ADGRF1: variants seen among roughly 807,000 people sequenced by gnomAD.
ADGRF1 encodes G protein-coupled receptor 110.
ADGRF1 carries 85 observed loss-of-function variants against 87.2 expected under a neutral mutation model. The observed-to-expected ratio is 0.97, with a 90% CI of 0.82 to 1.17. ADGRF1 has a LOEUF of 1.17. ADGRF1 is among the 50% of genes most tolerant of loss of function. The pLI is 0.00. For synonymous variants in ADGRF1, 430 were observed against 408.8 expected, an observed-to-expected ratio of 1.05 and a Z score of -0.63; for missense variants, 1,169 against 1,077.2, an observed-to-expected ratio of 1.09 and a Z score of -1.19.
At chr6:47,012,845 C>T in intron 9 of ADGRF1, 1 of 840,506 alleles carries the variant, frequency 1.2e-6, no homozygotes, top group African/African-American at 1.8e-5. Context: ...TCTCAGCTCA[C>T]TGCAACCTCT....
chr6:47,036,209 G>T (rs1314718290), intron 1 of ADGRF1, among the ~76,000 whole-genome samples: 1 of 152,120 alleles, frequency 6.6e-6, no homozygotes, highest in Non-Finnish European at 1.5e-5. Context: ...CAGCCTGGGA[G>T]AGAGAGGGAG....
At chr6:47,032,133 G>A (rs750124172) in intron 1 of ADGRF1, among the ~76,000 whole-genome samples, 2 of 152,054 alleles carry the variant, frequency 1.3e-5, no homozygotes, top group Admixed American at 6.6e-5. Flanking sequence ...TGAGGGAGAG[G>A]TTGTGGCACC....
intron 7 of ADGRF1, chr6:47,018,689 G>A (rs1779951448): frequency 3.5e-6 from 3 of 862,862 alleles, no homozygotes; most frequent in Non-Finnish European, 4.9e-6. Context: ...AGGTGTGTGG[G>A]TCATTTGAGG....
intron 7 of ADGRF1, chr6:47,019,683 C>CAAAAAAAAAAAAAAAA (rs34917344): frequency 3.6e-6 from 2 of 557,856 alleles, no homozygotes; most frequent in Non-Finnish European, 4.3e-6. Flanking sequence ...GACTCCATCT[C>CAAAAAAAAAAAAAAAA]AAAAAAAAAA....
chr6:47,020,613 C>A, intron 7 of ADGRF1, 118 bp downstream of exon 7: 1 of 1,547,846 alleles, frequency 6.5e-7, no homozygotes, highest in Non-Finnish European at 8.7e-7. Context: ...AAAAATCCTA[C>A]TATAAAGATG....
At chr6:47,022,900 G>C (rs1169507599) in intron 5 of ADGRF1, among the ~76,000 whole-genome samples, 1 of 150,036 alleles carries the variant, frequency 6.7e-6, no homozygotes, top group Non-Finnish European at 1.5e-5. Flanking sequence ...CAGTCTTCTG[G>C]GTTCAAGCAA....
In ADGRF1 at chr6:47,025,789, A is replaced by C. The variant is rs1275230343; in HGVS notation, c.277+65T>G. 7 of 1,430,066 alleles carry C rather than the reference A, an allele frequency of 4.9e-6. No homozygotes were observed. The East Asian group carries it at 1.4e-4, about 28-fold the overall frequency. 88.6% of individuals were successfully genotyped at this position (1,430,066 alleles called of 1,614,324 possible). ...GATGATTGTTTCCACAGCATAACCC[A>C]ACCTAGCCTGACTGATATACCCGCC... is the stretch of plus-strand genomic sequence containing the variant. On this transcript the variant is annotated intron_variant, in intron 4 of 14. Coordinates refer to ENST00000371253, the MANE Select transcript of ADGRF1 (RefSeq NM_153840.4).
In ADGRF1 at chr6:47,016,723, A is replaced by C. The variant is rs527374954; in HGVS notation, c.657T>G (p.Ser219Arg). Residue 219 changes from serine (S) to arginine (R), a missense_variant, in exon 8 of 15, where the codon AGT becomes AGG. Coordinates refer to ENST00000371253, the MANE Select transcript of ADGRF1 (RefSeq NM_153840.4). ...VAGYEVVGSS[S>R]ASELLSAIEH... ...CAATGGCTGACAGCAGTTCAGATGC[A>C]CTGCTGGAGCCAACAACTTCATACC... is the stretch of plus-strand genomic sequence containing the variant. 1.2e-6 allele frequency: 2 copies of C among 1,606,576 alleles called. No individual in the cohort carries two copies. The highest frequency in any genetic ancestry group is 1.1e-5 in the South Asian group (1 of 90,578).
intron 1 of ADGRF1, among the ~76,000 whole-genome samples, chr6:47,037,371 C>T (rs1249706465): frequency 6.6e-6 from 1 of 152,130 alleles, no homozygotes; most frequent in Non-Finnish European, 1.5e-5. Context: ...CTTTGTCGCT[C>T]CTGTTATAGG....
Position 47,010,012 on chromosome 6 carries a change from G to A in ADGRF1, c.1423C>T (p.Leu475Phe), listed in dbSNP as rs1423187372. Residue 475 changes from leucine to phenylalanine, a missense_variant, in exon 11 of 15, where the codon CTT (leucine) becomes TTT (phenylalanine). By Grantham distance (22) the Leu-to-Phe change is conservative. Coordinates refer to ENST00000371253, the MANE Select transcript of ADGRF1 (RefSeq NM_153840.4). ...LIGSDQFQRSLPETIISMASL... is the reference protein window; with the variant it reads ...LIGSDQFQRSFPETIISMASL... ...GCCATGCTGATAATAGTTTCTGGAAGGGATCTCTGGAATTGGTCTGACCCA... is the reference window on the plus strand; with the variant it reads ...GCCATGCTGATAATAGTTTCTGGAAAGGATCTCTGGAATTGGTCTGACCCA... 6.2e-7 allele frequency: 1 copy of A among 1,614,152 alleles called. No individual in the cohort carries two copies. The highest frequency in any genetic ancestry group is 8.5e-7 in the Non-Finnish European group (1 of 1,180,028).
intron 11 of ADGRF1, 60 bp from the exon 12 acceptor site, chr6:47,007,354 A>G: frequency 9.8e-7 from 1 of 1,023,244 alleles, no homozygotes; most frequent in East Asian, 2.4e-5. Context: ...AAAAGAAAGC[A>G]TTTATATGTA....
intron 1 of ADGRF1, among the ~76,000 whole-genome samples, chr6:47,038,947 A>T (rs1780665510): frequency 6.6e-6 from 1 of 152,220 alleles, no homozygotes; most frequent in Admixed American, 6.5e-5. Flanking sequence ...GTACAAACAC[A>T]AGTGTAAAAG....
At chr6:47,035,477 C>T (rs909859697) in intron 1 of ADGRF1, among the ~76,000 whole-genome samples, 4 of 152,178 alleles carry the variant, frequency 2.6e-5, no homozygotes, top group African/African-American at 9.7e-5. Context: ...ATAATTCCTT[C>T]TAATTTACAA....
At chr6:47,005,704 G>A in intron 13 of ADGRF1, 113 bp downstream of exon 13, 1 of 657,822 alleles carries the variant, frequency 1.5e-6, no homozygotes, top group Non-Finnish European at 2.6e-6. Flanking sequence ...ATATAATGGT[G>A]AAAGAAATTC....
chr6:47,005,038 T>C (rs1779478324), intron 13 of ADGRF1, among the ~76,000 whole-genome samples: 1 of 152,234 alleles, frequency 6.6e-6, no homozygotes, highest in Non-Finnish European at 1.5e-5. Flanking sequence ...TAAAAATCTC[T>C]CAATACCCAT....
intron 9 of ADGRF1, 121 bp downstream of exon 9, chr6:47,014,560 C>A: frequency 6.7e-7 from 1 of 1,490,748 alleles, no homozygotes; most frequent in East Asian, 2.4e-5. Flanking sequence ...CATCCTTGCT[C>A]TTTGCATACT....
Position 47,016,166 on chromosome 6 carries a change from G to GT in ADGRF1, c.763+450dup, listed in dbSNP as rs1170499669. On this transcript the variant is annotated intron_variant, in intron 8 of 14. Coordinates refer to ENST00000371253, the MANE Select transcript of ADGRF1 (RefSeq NM_153840.4). ...TGGTACAAATTTTGGTAGGAAAGGC[G>GT]TAAGATTGAATGTAAAAGAAAAAGA... Among the ~76,000 whole-genome samples, 11 of 152,270 alleles carry GT rather than the reference G, an allele frequency of 7.2e-5. No individual in the cohort carries two copies. In the East Asian group the frequency reaches 2.1e-3, roughly 29 times the overall value.
Position 47,014,961 on chromosome 6 carries a change from C to G in ADGRF1, c.764-117G>C, listed in dbSNP as rs570325999. The G allele has an allele frequency of 5.9e-6, 8 of 1,350,542 alleles. No homozygotes were observed. The South Asian group carries it at 1.4e-4, about 23-fold the overall frequency. The allele number at this position is 1,350,542 out of a possible 1,614,324, so 83.7% of individuals were successfully genotyped here. Reference sequence around the variant, plus strand: ...CTCATTTTTGGAGATGAAATCCAGGCAAAATTCAGAAGTAAGAGAAGTTTG... The same window carrying G: ...CTCATTTTTGGAGATGAAATCCAGGGAAAATTCAGAAGTAAGAGAAGTTTG... On this transcript the variant is annotated intron_variant, in intron 8 of 14. Transcript: ENST00000371253.
chr6:47,026,802 G>A (rs575182411), intron 3 of ADGRF1, among the ~76,000 whole-genome samples: 3 of 152,034 alleles, frequency 2.0e-5, no homozygotes, highest in Admixed American at 6.6e-5. Flanking sequence ...ATCTCCTTAC[G>A]GACTGGAGCC....
Sources: allele counts gnomAD v4.1 joint callset (sites outside exome capture counted in the v4.1 genomes callset), GRCh38; gene constraint gnomAD v4.1.1; transcripts MANE v1.5; gene names NCBI Gene and HGNC (gene_info 2026-07-23, HGNC 2026-07-21).